Variants in ITPK1 observed in about 807,000 individuals in gnomAD.
The protein encoded by ITPK1 is inositol 1,3,4-trisphosphate 5/6-kinase.
A neutral mutation model predicts 45.3 loss-of-function variants in ITPK1; 21 were observed. That is an observed-to-expected ratio of 0.46 (90% CI 0.33 to 0.67). The LOEUF (loss-of-function observed/expected upper bound fraction) is 0.67, where lower values mean the gene tolerates loss of function less well. ITPK1 is among the 30% of genes least tolerant of loss of function. The probability of loss-of-function intolerance (pLI) is 0.02; values close to 1 mark genes in which losing one functional copy is unlikely to be tolerated. For missense variants in ITPK1, 474 were observed against 573.5 expected (o/e 0.83, Z 1.77); for synonymous variants, 258 against 253.6 (o/e 1.02, Z -0.16).
At chr14:92,959,695 G>C (rs1201391703) in intron 7 of ITPK1, among the ~76,000 whole-genome samples, 1 of 151,414 alleles carries the variant, frequency 6.6e-6, no homozygotes, top group Non-Finnish European at 1.5e-5. Context: ...TGAGCTTTTG[G>C]CTAAGTTATA....
At chr14:93,006,873 C>G (rs552730147) in intron 4 of ITPK1, among the ~76,000 whole-genome samples, 1 of 152,372 alleles carries the variant, frequency 6.6e-6, no homozygotes, top group South Asian at 2.1e-4. Flanking sequence ...CCTCTGTCCC[C>G]AGATTTCACA....
In ITPK1 at chr14:92,987,937, C is replaced by T. The variant is rs143578952; in HGVS notation, c.364+5943G>A. On this transcript the variant is annotated intron_variant, in intron 5 of 10. Transcript: ENST00000267615. ...CTTGGTCCCAGCTGCCGCCTCATGC[C>T]GGCAACGCACCTACCCGGCCTGGTC... Among the ~76,000 whole-genome samples, 610 of 152,332 alleles carry T rather than the reference C, an allele frequency of 4.0e-3. 4 individuals carry two copies. The highest frequency in any genetic ancestry group is 0.014 in the African/African-American group (570 of 41,584).
intron 2 of ITPK1, among the ~76,000 whole-genome samples, chr14:93,093,168 G>A (rs149764116): frequency 6.5e-4 from 99 of 152,244 alleles, no homozygotes; most frequent in African/African-American, 2.0e-3. Context: ...ACAGCACAAC[G>A]GCAAATACCC....
At chr14:93,078,449 C>T (rs1377501194) in intron 2 of ITPK1, among the ~76,000 whole-genome samples, 2 of 152,182 alleles carry the variant, frequency 1.3e-5, no homozygotes, top group Admixed American at 6.5e-5. Context: ...ACCCAGCCCA[C>T]CTTCCCTCAA....
intron 2 of ITPK1, among the ~76,000 whole-genome samples, chr14:93,088,082 C>T (rs1327633765): frequency 1.3e-5 from 2 of 152,196 alleles, no homozygotes; most frequent in East Asian, 1.9e-4. Flanking sequence ...ATCGGCTACC[C>T]GAGAGACTCT....
intron 8 of ITPK1, among the ~76,000 whole-genome samples, chr14:92,954,425 T>C (rs371236027): frequency 9.8e-5 from 15 of 152,290 alleles, no homozygotes; most frequent in Admixed American, 4.6e-4. Context: ...TCGGTTCCTC[T>C]AACACACCAG....
chr14:93,115,524 G>C (rs888360708), intron 1 of ITPK1, among the ~76,000 whole-genome samples: 3 of 150,054 alleles, frequency 2.0e-5, no homozygotes, highest in African/African-American at 7.3e-5. Flanking sequence ...CGGAGCTGGG[G>C]CCAGGGCCCG....
At chr14:92,966,169 T>C (rs952967072) in intron 5 of ITPK1, among the ~76,000 whole-genome samples, 5 of 65,710 alleles carry the variant, frequency 7.6e-5, no homozygotes, top group Admixed American at 1.2e-4. Flanking sequence ...ACCCAACTAA[T>C]TGGTAGAGAT....
chr14:93,088,706 T>A (rs1891751058), intron 2 of ITPK1, among the ~76,000 whole-genome samples: 1 of 152,002 alleles, frequency 6.6e-6, no homozygotes, highest in African/African-American at 2.4e-5. Context: ...GCCCAGTAGG[T>A]TGCTGGTCTC....
At chr14:93,008,025 G>A (rs1463155755) in intron 4 of ITPK1, among the ~76,000 whole-genome samples, 1 of 152,256 alleles carries the variant, frequency 6.6e-6, no homozygotes, top group African/African-American at 2.4e-5. Flanking sequence ...GCCCACTGCA[G>A]ACAGCCCTAT....
intron 2 of ITPK1, among the ~76,000 whole-genome samples, chr14:93,101,186 G>A (rs933727167): frequency 2.0e-5 from 3 of 152,172 alleles, no homozygotes; most frequent in Admixed American, 6.5e-5. Context: ...GGCCACAGGT[G>A]TACTTCTGGG....
At position 92,939,036 on chromosome 14, in the gene ITPK1, G is replaced by A. The variant is rs2139683438; in HGVS notation, c.*2525C>T. 6.3e-6 allele frequency: 1 copy of A among 157,710 alleles called. No homozygotes were observed. The highest frequency in any genetic ancestry group is 1.4e-5 in the Non-Finnish European group (1 of 71,570). 9.8% of individuals were successfully genotyped at this position (157,710 alleles called of 1,614,324 possible). A position where few individuals can be genotyped will look rare whatever the true frequency, so the allele number is the denominator to read the frequency against. ...CAGAGCCAACGTGCTGACCAACTCA[G>A]AAGCAGAAGCTTAGGAACCAGAGCC... is the stretch of plus-strand genomic sequence containing the variant. On this transcript the variant is annotated 3_prime_UTR_variant, in exon 11 of 11. Coordinates refer to ENST00000267615, the MANE Select transcript of ITPK1 (RefSeq NM_014216.6).
intron 5 of ITPK1, among the ~76,000 whole-genome samples, chr14:92,974,159 A>C (rs1298245371): frequency 6.6e-6 from 1 of 152,002 alleles, no homozygotes; most frequent in Non-Finnish European, 1.5e-5. Context: ...TCTCTCCCTG[A>C]AGTTGGGGGC....
intron 3 of ITPK1, among the ~76,000 whole-genome samples, chr14:93,019,677 C>T (rs1178830872): frequency 2.0e-5 from 3 of 152,140 alleles, no homozygotes; most frequent in African/African-American, 7.2e-5. Context: ...CCCCTGAACA[C>T]ACTGCAAACA....
intron 3 of ITPK1, among the ~76,000 whole-genome samples, chr14:93,042,119 C>A (rs1889586372): frequency 6.6e-6 from 1 of 152,160 alleles, no homozygotes; most frequent in Non-Finnish European, 1.5e-5. Context: ...AGGTACAAAT[C>A]AAGTTATTTT....
At chr14:92,988,443 G>A (rs1007669959) in intron 5 of ITPK1, among the ~76,000 whole-genome samples, 6 of 152,192 alleles carry the variant, frequency 3.9e-5, no homozygotes, top group Non-Finnish European at 7.3e-5. Context: ...CCTTATCAGC[G>A]ACAAGGTCCT....
intron 2 of ITPK1, among the ~76,000 whole-genome samples, chr14:93,114,152 G>C (rs1182445571): frequency 6.6e-6 from 1 of 152,280 alleles, no homozygotes; most frequent in Admixed American, 6.5e-5. Context: ...TTCAGAGCTA[G>C]ATTCTCTTAG....
intron 4 of ITPK1, among the ~76,000 whole-genome samples, chr14:93,002,014 A>C (rs1887380622): frequency 6.6e-6 from 1 of 152,156 alleles, no homozygotes; most frequent in African/African-American, 2.4e-5. Context: ...TCCCCCTCAA[A>C]ACAACCCTAT....
At position 93,034,865 on chromosome 14, in the gene ITPK1, G is replaced by A. The variant is rs1315388883; in HGVS notation, c.121-18064C>T. Among the ~76,000 whole-genome samples, 1 of 152,244 alleles carries A rather than the reference G, an allele frequency of 6.6e-6. No individual in the cohort carries two copies. The highest frequency in any genetic ancestry group is 1.5e-5 in the Non-Finnish European group (1 of 68,026). On this transcript the variant is annotated intron_variant, in intron 3 of 10. Coordinates refer to ENST00000267615, the MANE Select transcript of ITPK1 (RefSeq NM_014216.6). The surrounding 1 kb of genome is among the most constrained non-coding windows in gnomAD (Gnocchi z 4.1). ...GCACCACAGGGCCGAGGATTCAGTGGTTCCCTCCAACCTGAGGTCCTGGCC... is the reference window on the plus strand; with the variant it reads ...GCACCACAGGGCCGAGGATTCAGTGATTCCCTCCAACCTGAGGTCCTGGCC...
Sources: allele counts gnomAD v4.1 joint callset (sites outside exome capture counted in the v4.1 genomes callset), GRCh38; gene constraint gnomAD v4.1.1; non-coding constraint Gnocchi (gnomAD v3.1); transcripts MANE v1.5; gene names NCBI Gene and HGNC (gene_info 2026-07-23, HGNC 2026-07-21).